The following SAMD3 variants were observed in gnomAD, a reference collection of about 807,000 sequenced individuals.
SAMD3 encodes the protein sterile alpha motif domain containing 3, also known as sterile alpha motif domain-containing protein 3.
In SAMD3, 63 loss-of-function variants were observed where a neutral mutation model predicts 58.5. The observed-to-expected ratio is 1.08, with a 90% CI of 0.88 to 1.33. The LOEUF is 1.33. Among genes scored for constraint, SAMD3 ranks in the 40% most tolerant of loss-of-function variants. The probability of loss-of-function intolerance (pLI) is 0.00; values close to 1 mark genes in which losing one functional copy is unlikely to be tolerated. For missense variants in SAMD3, 604 were observed against 608.4 expected, an observed-to-expected ratio of 0.99 and a Z score of 0.08; for synonymous variants, 220 against 210.3, an observed-to-expected ratio of 1.05 and a Z score of -0.40.
At chr6:130,281,889 CCTTAA>C (rs764226879) in intron 2 of SAMD3, among the ~76,000 whole-genome samples, 48,114 of 151,730 alleles carry the variant, frequency 0.32, 7,827 homozygotes, top group East Asian at 0.47. Context: ...CTCCTTGACT[CCTTAA>C]CATTTCCCCA....
intron 2 of SAMD3, among the ~76,000 whole-genome samples, chr6:130,261,201 A>G (rs56360255): frequency 0.017 from 1,794 of 107,480 alleles, 140 homozygotes; most frequent in African/African-American, 0.071. Flanking sequence ...TGCCTTTATC[A>G]GCACTTTGGT....
intron 5 of SAMD3, among the ~76,000 whole-genome samples, chr6:130,186,178 G>A (rs900887568): frequency 3.3e-5 from 5 of 152,098 alleles, no homozygotes; most frequent in South Asian, 2.1e-4. Flanking sequence ...GGCAAGCCAA[G>A]TAGAAGACAA....
chr6:130,195,345 C>T (rs1006168205), intron 5 of SAMD3, among the ~76,000 whole-genome samples: 11 of 152,296 alleles, frequency 7.2e-5, no homozygotes, highest in East Asian at 3.9e-4. Flanking sequence ...TCCCACAGCA[C>T]GCTTTGGGCA....
chr6:130,342,923 C>T (rs182705702), intron 1 of SAMD3, among the ~76,000 whole-genome samples: 19 of 152,100 alleles, frequency 1.2e-4, no homozygotes, highest in Non-Finnish European at 2.4e-4. Flanking sequence ...GACATTTTGA[C>T]CATGGTGGGG....
At chr6:130,263,021 A>G (rs1774197311) in intron 2 of SAMD3, among the ~76,000 whole-genome samples, 1 of 152,226 alleles carries the variant, frequency 6.6e-6, no homozygotes, top group Non-Finnish European at 1.5e-5. Flanking sequence ...TAAAAATTGG[A>G]TAAATGTCTA....
At chr6:130,230,333 A>G (rs760002952) in intron 2 of SAMD3, among the ~76,000 whole-genome samples, 1 of 152,148 alleles carries the variant, frequency 6.6e-6, no homozygotes, top group Non-Finnish European at 1.5e-5. Context: ...TGCCCAGAAC[A>G]TGGTGGTCCA....
chr6:130,167,916 A>G (rs1390464990), intron 8 of SAMD3, among the ~76,000 whole-genome samples: 1 of 152,248 alleles, frequency 6.6e-6, no homozygotes, highest in East Asian at 1.9e-4. Context: ...TCTTGCTAGC[A>G]GTGGGACATG....
intron 2 of SAMD3, among the ~76,000 whole-genome samples, chr6:130,251,958 T>TA (rs1363139145): frequency 2.6e-5 from 4 of 152,074 alleles, no homozygotes; most frequent in Non-Finnish European, 5.9e-5. Flanking sequence ...CTTTTTTTTT[T>TA]ATTGAACTTC....
upstream of SAMD3, chr6:130,365,572 T>C (rs937243236): frequency 5.5e-5 from 54 of 985,194 alleles, no homozygotes; most frequent in Middle Eastern, 5.2e-4. Context: ...GCGAGTCGGC[T>C]GGAGCTCCCC....
chr6:130,195,574 T>C (rs1233401280), intron 5 of SAMD3, among the ~76,000 whole-genome samples: 3 of 152,194 alleles, frequency 2.0e-5, no homozygotes, highest in East Asian at 1.9e-4. Flanking sequence ...CCCATTATTC[T>C]GTTCTAGATC....
chr6:130,169,540 C>T (rs1198994907), intron 8 of SAMD3, among the ~76,000 whole-genome samples: 2 of 152,128 alleles, frequency 1.3e-5, no homozygotes, highest in Non-Finnish European at 2.9e-5. Flanking sequence ...TTAGCCTTAG[C>T]TGGCAGGAAG....
intron 1 of SAMD3, among the ~76,000 whole-genome samples, chr6:130,321,308 G>A (rs1776577668): frequency 6.6e-6 from 1 of 152,166 alleles, no homozygotes; most frequent in African/African-American, 2.4e-5. Context: ...CCTGGGGCTT[G>A]TCACTGGCCA....
intron 2 of SAMD3, among the ~76,000 whole-genome samples, chr6:130,242,854 G>A (rs1233946289): frequency 6.6e-6 from 1 of 152,206 alleles, no homozygotes; most frequent in African/African-American, 2.4e-5. Context: ...GGCTGAGCCG[G>A]CATCCCTTTG....
intron 5 of SAMD3, among the ~76,000 whole-genome samples, chr6:130,186,428 C>G (rs982897069): frequency 1.3e-5 from 2 of 152,094 alleles, no homozygotes; most frequent in African/African-American, 2.4e-5. Flanking sequence ...CTTTGGCGGT[C>G]CCTACTATAT....
chr6:130,284,922 A>G (rs1452083363), intron 2 of SAMD3, among the ~76,000 whole-genome samples: 1 of 152,234 alleles, frequency 6.6e-6, no homozygotes, highest in Middle Eastern at 3.2e-3. Context: ...GGGGAGATAA[A>G]TGCTTGTTCC....
intron 5 of SAMD3, among the ~76,000 whole-genome samples, chr6:130,201,547 A>C (rs1310015956): frequency 6.6e-6 from 1 of 152,162 alleles, no homozygotes; most frequent in African/African-American, 2.4e-5. Context: ...GGACATTGGT[A>C]TTTTTCCTGT....
At chr6:130,362,650 A>C (rs530867408) in intron 1 of SAMD3, among the ~76,000 whole-genome samples, 23 of 152,312 alleles carry the variant, frequency 1.5e-4, no homozygotes, top group African/African-American at 5.5e-4. Context: ...AAAGAATCTA[A>C]TCAGGTTTAT....
intron 3 of SAMD3, 81 bp downstream of exon 3, chr6:130,215,114 C>T: frequency 1.3e-6 from 1 of 749,360 alleles, no homozygotes; most frequent in South Asian, 1.7e-5. Flanking sequence ...CATTTGGCAA[C>T]AAAAGTAATT....
chr6:130,270,958 T>C (rs1774537313), intron 2 of SAMD3, among the ~76,000 whole-genome samples: 1 of 152,000 alleles, frequency 6.6e-6, no homozygotes, highest in Non-Finnish European at 1.5e-5. Flanking sequence ...TACTGCCAAA[T>C]TGCCTTCAAA....
Sources: allele counts gnomAD v4.1 joint callset (sites outside exome capture counted in the v4.1 genomes callset), GRCh38; gene constraint gnomAD v4.1.1; transcripts MANE v1.5; gene names NCBI Gene and HGNC (gene_info 2026-07-23, HGNC 2026-07-21).